The following VCL variants were observed in gnomAD, a reference collection of about 807,000 sequenced individuals.
VCL encodes the protein vinculin, also known as epididymis luminal protein 114.
Under a neutral mutation model 125.7 loss-of-function variants are expected in VCL, and 47 were observed. The observed-to-expected ratio is 0.37, with a 90% CI of 0.30 to 0.48. The LOEUF (loss-of-function observed/expected upper bound fraction) is 0.48, where lower values mean the gene tolerates loss of function less well. VCL is among the 20% of genes least tolerant of loss of function. The probability of loss-of-function intolerance (pLI) is 0.99; values close to 1 mark genes in which losing one functional copy is unlikely to be tolerated. For synonymous variants in VCL, 458 were observed against 514.6 expected, an observed-to-expected ratio of 0.89 and a Z score of 1.49; for missense variants, 1,069 against 1,455.5, an observed-to-expected ratio of 0.73 and a Z score of 4.32.
At chr10:74,036,225 G>A (rs1011798767) in intron 1 of VCL, among the ~76,000 whole-genome samples, 9 of 151,716 alleles carry the variant, frequency 5.9e-5, no homozygotes, top group Admixed American at 6.6e-5. Flanking sequence ...TTTTTTAGAC[G>A]GAGTTTTGCT....
chr10:74,007,398 G>A (rs181856354), intron 1 of VCL, among the ~76,000 whole-genome samples: 23 of 152,304 alleles, frequency 1.5e-4, no homozygotes, highest in African/African-American at 5.1e-4. Context: ...GCATGGAGAT[G>A]CTCTGTTATT....
At position 74,042,223 on chromosome 10, in the gene VCL, T is replaced by C. The variant is rs148472154; in HGVS notation, c.169-860T>C. Among the ~76,000 whole-genome samples the C allele has an allele frequency of 3.9e-3, 588 of 152,336 alleles. 5 individuals carry two copies. Among genetic ancestry groups the C allele is most frequent in the Non-Finnish European group, 6.5e-3 (445 of 68,026 alleles). ...ATAACCATTGTTTTAATGGCCCACA[T>C]AGTACTCAACCTAACGATATATCTT... On this transcript the variant is annotated intron_variant, in intron 1 of 21. Transcript: ENST00000211998.
At chr10:74,010,083 C>T (rs1053020274) in intron 1 of VCL, among the ~76,000 whole-genome samples, 5 of 151,962 alleles carry the variant, frequency 3.3e-5, no homozygotes, top group African/African-American at 1.2e-4. Context: ...CGCCACACAC[C>T]CAGCTAATTT....
At chr10:74,100,534 G>A (rs1378926519) in intron 13 of VCL, among the ~76,000 whole-genome samples, 2 of 152,226 alleles carry the variant, frequency 1.3e-5, no homozygotes, top group Admixed American at 6.5e-5. Context: ...GGCTTTTAAT[G>A]TACCCAGCTG....
At chr10:74,043,676 C>T (rs1014409919) in intron 2 of VCL, among the ~76,000 whole-genome samples, 1 of 151,866 alleles carries the variant, frequency 6.6e-6, no homozygotes, top group African/African-American at 2.4e-5. Context: ...TTTAATAAGA[C>T]CATGAGTTTT....
chr10:74,101,243 T>A, intron 14 of VCL, 146 bp downstream of exon 14: 1 of 1,215,888 alleles, frequency 8.2e-7, no homozygotes, highest in Non-Finnish European at 1.2e-6. Context: ...TCCGGCACTT[T>A]GGGAGGGTGA....
At position 73,998,455 on chromosome 10, in the gene VCL, C is replaced by T. The variant is rs375446925; in HGVS notation, c.168+80C>T. On this transcript the variant is annotated intron_variant, in intron 1 of 21. Coordinates refer to ENST00000211998, the MANE Select transcript of VCL (RefSeq NM_014000.3). Reference sequence around the variant, plus strand: ...CGGCCCGCGTCGCGGCTGCCTGTGGCCGGCTCGCTGGCCGTGGCTTTCCGC... The same window carrying T: ...CGGCCCGCGTCGCGGCTGCCTGTGGTCGGCTCGCTGGCCGTGGCTTTCCGC... 8.6e-6 allele frequency: 11 copies of T among 1,274,538 alleles called. No individual in the cohort carries two copies. The East Asian group carries it at 1.6e-4, about 19-fold the overall frequency. 79.0% of individuals were successfully genotyped at this position (1,274,538 alleles called of 1,614,324 possible). A position where few individuals can be genotyped will look rare whatever the true frequency, so the allele number is the denominator to read the frequency against.
intron 19 of VCL, among the ~76,000 whole-genome samples, chr10:74,112,596 C>T (rs1840244324): frequency 6.6e-6 from 1 of 152,028 alleles, no homozygotes; most frequent in South Asian, 2.1e-4. Context: ...TGCTGCCCTG[C>T]ACTTGGCTAT....
chr10:74,059,188 C>G (rs928647945), intron 2 of VCL, among the ~76,000 whole-genome samples: 4 of 152,008 alleles, frequency 2.6e-5, no homozygotes, highest in Non-Finnish European at 4.4e-5. Context: ...AACCCCATCT[C>G]TATTAAAAAT....
chr10:74,002,654 C>A (rs953184030), intron 1 of VCL, among the ~76,000 whole-genome samples: 1 of 151,272 alleles, frequency 6.6e-6, no homozygotes, highest in Non-Finnish European at 1.5e-5. Context: ...GAGGCCGAGG[C>A]GGGCTGATCA....
rs182756080 is a variant in VCL, at chr10:74,114,801, G to A, written c.3160G>A (p.Glu1054Lys). 1.2e-6 allele frequency: 2 copies of A among 1,605,478 alleles called. No homozygotes were observed. The highest frequency in any genetic ancestry group is 1.7e-6 in the Non-Finnish European group (2 of 1,177,022). ...AATTAAACTTTCTCTTTAGGTATGTGAGCGAATCCCAACCATAAGCACCCA... is the reference window on the plus strand; with the variant it reads ...AATTAAACTTTCTCTTTAGGTATGTAAGCGAATCCCAACCATAAGCACCCA... ...RIRTNLLQVC[E>K]RIPTISTQLK... The change falls in exon 21 of 22, where the codon GAG (glutamate) becomes AAG (lysine). Residue 1054 changes from glutamate to lysine, a missense_variant. Physicochemically the swap from Glu to Lys is moderately conservative, Grantham distance 56 (BLOSUM62 1). Transcript: ENST00000211998.
At chr10:74,082,343 C>T (rs1453616629) in intron 6 of VCL, 111 bp from the exon 7 acceptor site, 2 of 1,142,144 alleles carry the variant, frequency 1.8e-6, no homozygotes, top group Non-Finnish European at 1.3e-6. Context: ...CTTCGTAGGA[C>T]TGACTACCTT....
At chr10:74,098,599 A>C (rs1290398980) in intron 13 of VCL, among the ~76,000 whole-genome samples, 1 of 152,194 alleles carries the variant, frequency 6.6e-6, no homozygotes, top group Non-Finnish European at 1.5e-5. Context: ...TGGCCACCCT[A>C]GCTGCAAAGG....
chr10:74,028,617 G>A (rs371188100), intron 1 of VCL, among the ~76,000 whole-genome samples: 2 of 151,996 alleles, frequency 1.3e-5, no homozygotes, highest in African/African-American at 4.8e-5. Flanking sequence ...GGCTGGTCTC[G>A]AACTCCTGAC....
In VCL at chr10:74,094,462, G is replaced by A; in HGVS notation, c.1543+1G>A. On this transcript the variant is annotated splice_donor_variant, in intron 11 of 21. Transcript: ENST00000211998. LOFTEE classifies it high-confidence loss of function. ...CCCACAGTGGATGACCGTGGAGTCG[G>A]TAAGGGCAGCAGTGCACTATAACCT... 1 of 1,613,174 alleles carries A rather than the reference G, an allele frequency of 6.2e-7. No individual in the cohort carries two copies. The highest frequency in any genetic ancestry group is 2.2e-5 in the East Asian group (1 of 44,864).
At chr10:74,108,469 CTT>C (rs796858541) in intron 17 of VCL, among the ~76,000 whole-genome samples, 1 of 145,694 alleles carries the variant, frequency 6.9e-6, no homozygotes, top group Admixed American at 6.9e-5. Flanking sequence ...AGCTGCAAGC[CTT>C]TTTTTTTTTT....
chr10:74,051,958 G>A (rs984965635), intron 2 of VCL, among the ~76,000 whole-genome samples: 2 of 152,170 alleles, frequency 1.3e-5, no homozygotes, highest in Non-Finnish European at 1.5e-5. Context: ...TAGAGGCAGC[G>A]TGCCCAGAGT....
chr10:74,060,209 G>C (rs1171668550), intron 2 of VCL, among the ~76,000 whole-genome samples: 1 of 152,280 alleles, frequency 6.6e-6, no homozygotes, highest in Middle Eastern at 3.4e-3. Context: ...ATAGGCTGAG[G>C]TGGGAGGATG....
Position 74,060,424 on chromosome 10 carries a change from G to A in VCL, c.240-10246G>A, listed in dbSNP as rs138540202. Among the ~76,000 whole-genome samples, 1,004 of 152,130 alleles carry A rather than the reference G, an allele frequency of 6.6e-3. 13 individuals are homozygous for A. The highest frequency in any genetic ancestry group is 0.023 in the African/African-American group (954 of 41,492). ...TCCCAGCATTTTGGAAGACCGAAGT[G>A]GGTGGATCACTTGAGGTCAGGAGTT... On this transcript the variant is annotated intron_variant, in intron 2 of 21. Transcript: ENST00000211998.
Sources: gnomAD v4.1 joint callset for allele counts (sites outside exome capture counted in the v4.1 genomes callset) on GRCh38, gnomAD v4.1.1 for gene constraint, MANE v1.5 for transcripts, NCBI Gene and HGNC (gene_info 2026-07-23, HGNC 2026-07-21) for gene names.